Variants in LIMK1 observed in about 807,000 individuals in gnomAD.
The protein encoded by LIMK1 is LIM motif-containing protein kinase.
In LIMK1, 21 loss-of-function variants were observed where a neutral mutation model predicts 77.6. That is an observed-to-expected ratio of 0.27 (90% CI 0.19 to 0.39). LIMK1 has a LOEUF of 0.39. Ranked by LOEUF, LIMK1 falls within the 10% of genes least tolerant of loss-of-function variation. The pLI is 1.00. For missense variants in LIMK1, 696 were observed against 901.6 expected (o/e 0.77, Z 2.92); for synonymous variants, 358 against 370.0 (o/e 0.97, Z 0.37).
At chr7:74,093,391 A>G (rs959849796) in intron 2 of LIMK1, 38 of 1,449,468 alleles carry the variant, frequency 2.6e-5, no homozygotes, top group Middle Eastern at 1.7e-4. Context: ...ACCTAGGTCC[A>G]GGCTCTGGGG....
chr7:74,091,336 C>A lies in LIMK1; in HGVS notation c.153-5286C>A, dbSNP rs1406597802. Among the ~76,000 whole-genome samples, 3 of 152,100 alleles carry A rather than the reference C, an allele frequency of 2.0e-5. No individual in the cohort carries two copies. The East Asian group carries it at 5.9e-4, about 30-fold the overall frequency. ...GCCAGGAGTTTGAGATCAACCTAGGCAACATAGTGAGACTCCATCTCTACA... is the reference window on the plus strand; with the variant it reads ...GCCAGGAGTTTGAGATCAACCTAGGAAACATAGTGAGACTCCATCTCTACA... On this transcript the variant is annotated intron_variant, in intron 2 of 15. Transcript: ENST00000336180.
At chr7:74,099,300 G>C in intron 5 of LIMK1, 62 bp downstream of exon 5, 1 of 1,521,382 alleles carries the variant, frequency 6.6e-7, no homozygotes, top group Non-Finnish European at 9.0e-7. Flanking sequence ...GTGGGTGGCA[G>C]AGTCTGGCAC....
chr7:74,091,810 G>A (rs1799242085), intron 2 of LIMK1, among the ~76,000 whole-genome samples: 2 of 152,162 alleles, frequency 1.3e-5, no homozygotes, highest in South Asian at 4.1e-4. Context: ...GTCGGGGGTA[G>A]GGCCGGTGCA....
At chr7:74,101,942 G>A (rs1277482839) in intron 5 of LIMK1, among the ~76,000 whole-genome samples, 7 of 151,606 alleles carry the variant, frequency 4.6e-5, no homozygotes, top group African/African-American at 7.3e-5. Context: ...CACTCACCTC[G>A]GCCTCCTGAG....
intron 2 of LIMK1, among the ~76,000 whole-genome samples, chr7:74,096,299 A>G (rs1417682568): frequency 6.6e-6 from 1 of 151,640 alleles, no homozygotes; most frequent in African/African-American, 2.4e-5. Flanking sequence ...CAAGAGCTCA[A>G]GACCATCCTG....
At chr7:74,087,277 G>A (rs1554694188) in intron 2 of LIMK1, among the ~76,000 whole-genome samples, 1 of 152,114 alleles carries the variant, frequency 6.6e-6, no homozygotes, top group Non-Finnish European at 1.5e-5. Flanking sequence ...GGTGGCGCAT[G>A]CCTGTAGTCC....
chr7:74,115,554 G>A, intron 12 of LIMK1: 1 of 469,552 alleles, frequency 2.1e-6, no homozygotes, highest in East Asian at 3.5e-5. Flanking sequence ...GGTGGGGAGG[G>A]GGCAGAGGGT....
intron 2 of LIMK1, among the ~76,000 whole-genome samples, chr7:74,089,533 A>G (rs810537): frequency 0.88 from 134,561 of 152,120 alleles, 60,492 homozygotes; most frequent in South Asian, 0.96. Context: ...AAAGAAAAAG[A>G]CAGGGGCTTC....
chr7:74,093,122 T>G, intron 2 of LIMK1: 1 of 1,438,104 alleles, frequency 7.0e-7, no homozygotes, highest in Non-Finnish European at 9.1e-7. Context: ...TCCTGTGCGC[T>G]GCAGCCACGC....
intron 2 of LIMK1, among the ~76,000 whole-genome samples, chr7:74,095,396 G>A (rs1390530159): frequency 6.6e-6 from 1 of 152,152 alleles, no homozygotes; most frequent in Non-Finnish European, 1.5e-5. Flanking sequence ...GTTCACTGGG[G>A]CACCCGCATT....
chr7:74,120,666 G>T, intron 14 of LIMK1, 28 bp downstream of exon 14: 1 of 1,613,126 alleles, frequency 6.2e-7, no homozygotes, highest in Non-Finnish European at 8.5e-7. Context: ...TAGCAGCGGT[G>T]TTGAGGCCTG....
chr7:74,120,565 G>A lies in LIMK1; in HGVS notation c.1568-18G>A. ...ACCCCCATGTGTTCATCTGCTGACA[G>A]TCGGTCTCTTTATCCAGGCCGCAGC... On this transcript the variant is annotated intron_variant, in intron 13 of 15. Transcript: ENST00000336180. 3 of 1,614,124 alleles carry A rather than the reference G, an allele frequency of 1.9e-6. No individual in the cohort carries two copies. Among genetic ancestry groups the A allele is most frequent in the Non-Finnish European group, 2.5e-6 (3 of 1,179,936 alleles).
At chr7:74,088,850 A>T (rs1554694409) in intron 2 of LIMK1, among the ~76,000 whole-genome samples, 1 of 148,000 alleles carries the variant, frequency 6.8e-6, no homozygotes, top group African/African-American at 2.5e-5. Flanking sequence ...AAAGCCAGGG[A>T]GGGGCTGGGG....
rs1799936265 is a variant in LIMK1 at position 74,121,360 on chromosome 7, C to G, written c.*59C>G. 1.4e-6 allele frequency: 2 copies of G among 1,445,160 alleles called. No homozygotes were observed. The highest frequency in any genetic ancestry group is 1.4e-5 in the African/African-American group (1 of 71,074). 89.5% of individuals were successfully genotyped at this position (1,445,160 alleles called of 1,614,324 possible). A position where few individuals can be genotyped will look rare whatever the true frequency, so the allele number is the denominator to read the frequency against. Reference sequence around the variant, plus strand: ...CTGGAGAATCCACCCCCACCAGATTCCTCCGCGGGAGGTGGCCCTCAGCTG... The same window carrying G: ...CTGGAGAATCCACCCCCACCAGATTGCTCCGCGGGAGGTGGCCCTCAGCTG... On this transcript the variant is annotated 3_prime_UTR_variant, in exon 16 of 16. Coordinates refer to ENST00000336180, the MANE Select transcript of LIMK1 (RefSeq NM_002314.4).
At position 74,121,393 on chromosome 7, in the gene LIMK1, G is replaced by C. The variant is rs964794289; in HGVS notation, c.*92G>C. The C allele has an allele frequency of 3.9e-6, 5 of 1,276,040 alleles. No homozygotes were observed. In the African/African-American group the frequency reaches 7.5e-5, roughly 19 times the overall value. The allele number at this position is 1,276,040 out of a possible 1,614,324, so 79.0% of individuals were successfully genotyped here. The stretch of plus-strand genomic sequence containing the variant: ...GGAGGTGGCCCTCAGCTGGGACAGT[G>C]GGGACCCAGGCTTCTCCTCAGAGCC... On this transcript the variant is annotated 3_prime_UTR_variant, in exon 16 of 16. Transcript: ENST00000336180.
rs1554695652 is a variant in LIMK1 at position 74,096,667 on chromosome 7, G to A, written c.198G>A (p.Lys66=). Residue 66 remains lysine, a synonymous_variant, in exon 3 of 16, where the codon AAG becomes AAA. Transcript: ENST00000336180. ...SASLSHQYYE[K]DGQLFCKKDY... ...CCCTGTCGCACCAGTACTATGAGAA[G>A]GATGGGCAGCTCTTCTGCAAGAAGG... 1 of 1,613,996 alleles carries A rather than the reference G, an allele frequency of 6.2e-7. No individual in the cohort carries two copies. The highest frequency in any genetic ancestry group is 1.3e-5 in the African/African-American group (1 of 74,908).
At chr7:74,101,721 T>A (rs1389006027) in intron 5 of LIMK1, among the ~76,000 whole-genome samples, 1 of 152,044 alleles carries the variant, frequency 6.6e-6, no homozygotes, top group African/African-American at 2.4e-5. Context: ...TTAAGGAAGG[T>A]CTAATTTATC....
At position 74,107,041 on chromosome 7, in the gene LIMK1, G is replaced by A. The variant is rs1554697711; in HGVS notation, c.913G>A (p.Ala305Thr). 5.6e-6 allele frequency: 9 copies of A among 1,600,788 alleles called. No individual in the cohort carries two copies. The highest frequency in any genetic ancestry group is 2.1e-4 in the Middle Eastern group (1 of 4,864). ...RSCSIDRSPGAGSLGSPASQR... is the reference protein window; with the variant it reads ...RSCSIDRSPGTGSLGSPASQR... ...CTGCAGCATCGACAGGTCTCCGGGC[G>A]CTGGCTCACTGGGCTCCCCGGCCTC... Residue 305 changes from alanine (A) to threonine (T), a missense_variant, in exon 8 of 16, where the codon GCT (alanine) becomes ACT (threonine). Ala to Thr is a moderately conservative substitution (Grantham distance 58, BLOSUM62 0). Transcript: ENST00000336180.
At chr7:74,102,484 C>T (rs376941472) in intron 5 of LIMK1, among the ~76,000 whole-genome samples, 57 of 54,042 alleles carry the variant, frequency 1.1e-3, no homozygotes, top group Middle Eastern at 0.02. Context: ...AGGACCTTCT[C>T]TTTTTTTTTT....
Sources: gnomAD v4.1 joint callset for allele counts (sites outside exome capture counted in the v4.1 genomes callset) on GRCh38, gnomAD v4.1.1 for gene constraint, MANE v1.5 for transcripts, NCBI Gene and HGNC (gene_info 2026-07-23, HGNC 2026-07-21) for gene names.